The following C1orf87 variants were observed in gnomAD, a reference collection of about 807,000 sequenced individuals.
The protein encoded by C1orf87 is chromosome 1 open reading frame 87, also known as uncharacterized protein C1orf87.
Under a neutral mutation model 60.5 loss-of-function variants are expected in C1orf87, and 58 were observed. The observed-to-expected ratio is 0.96, with a 90% CI of 0.78 to 1.19. The LOEUF (loss-of-function observed/expected upper bound fraction) is 1.19, where lower values mean the gene tolerates loss of function less well. C1orf87 is among the 50% of genes most tolerant of loss of function. The probability of loss-of-function intolerance (pLI) is 0.00; values close to 1 mark genes in which losing one functional copy is unlikely to be tolerated. For missense variants in C1orf87, 673 were observed against 638.6 expected (o/e 1.05, Z -0.58); for synonymous variants, 236 against 227.4 (o/e 1.04, Z -0.34).
At chr1:60,005,861 C>T (rs769664020) in intron 9 of C1orf87, among the ~76,000 whole-genome samples, 1 of 148,040 alleles carries the variant, frequency 6.8e-6, no homozygotes, top group Non-Finnish European at 1.5e-5. Flanking sequence ...CTTCTGAAGA[C>T]AGCAACTATG....
chr1:60,028,052 T>C (rs1645212385), intron 7 of C1orf87, among the ~76,000 whole-genome samples: 1 of 152,130 alleles, frequency 6.6e-6, no homozygotes, highest in Non-Finnish European at 1.5e-5. Context: ...TAAATGTATA[T>C]ATGGGTGAAA....
Position 59,990,572 on chromosome 1 carries a change from C to T in C1orf87, c.*101G>A. The T allele has an allele frequency of 7.1e-7, 1 of 1,413,092 alleles. No individual in the cohort carries two copies. The highest frequency in any genetic ancestry group is 9.7e-7 in the Non-Finnish European group (1 of 1,035,340). 87.5% of individuals were successfully genotyped at this position (1,413,092 alleles called of 1,614,324 possible). A position where few individuals can be genotyped will look rare whatever the true frequency, so the allele number is the denominator to read the frequency against. The stretch of plus-strand genomic sequence containing the variant: ...TACAATAGCTGCATCGGCCTCCACT[C>T]TGACAATGCCTCCGCCACTACACTT... On this transcript the variant is annotated 3_prime_UTR_variant, in exon 12 of 12. Transcript: ENST00000371201.
At chr1:60,001,801 G>A (rs988391968) in intron 9 of C1orf87, among the ~76,000 whole-genome samples, 7 of 152,038 alleles carry the variant, frequency 4.6e-5, no homozygotes, top group East Asian at 1.9e-4. Context: ...TTCAATGGTC[G>A]GTGGTACTGG....
chr1:60,049,772 A>T (rs1645400356), intron 3 of C1orf87, among the ~76,000 whole-genome samples: 1 of 152,132 alleles, frequency 6.6e-6, no homozygotes, highest in African/African-American at 2.4e-5. Flanking sequence ...ATCCTAATGT[A>T]CATCTTACGT....
At chr1:60,060,108 C>A (rs1274418957) in intron 2 of C1orf87, among the ~76,000 whole-genome samples, 1 of 140,740 alleles carries the variant, frequency 7.1e-6, no homozygotes, top group Non-Finnish European at 1.5e-5. Flanking sequence ...TTTTTTATGT[C>A]ATGGAACCAT....
chr1:60,023,119 T>A (rs1008576546), intron 8 of C1orf87, among the ~76,000 whole-genome samples: 11 of 152,156 alleles, frequency 7.2e-5, no homozygotes, highest in Admixed American at 6.5e-4. Context: ...CTTTTAAGGT[T>A]TTTTCTTTAC....
chr1:60,056,175 T>C (rs640189), intron 2 of C1orf87, among the ~76,000 whole-genome samples: 83,927 of 151,678 alleles, frequency 0.55, 23,652 homozygotes, highest in East Asian at 0.64. Flanking sequence ...ACCCAGGAGG[T>C]GGAGGTTGCA....
intron 8 of C1orf87, among the ~76,000 whole-genome samples, chr1:60,018,070 A>G (rs1331649389): frequency 6.6e-6 from 1 of 152,186 alleles, no homozygotes; most frequent in Non-Finnish European, 1.5e-5. Context: ...AATCCTGCTA[A>G]TTAGCAAGCA....
rs572081022 is a variant in C1orf87, at chr1:60,056,430, A to G, written c.108-992T>C. Among the ~76,000 whole-genome samples the G allele has an allele frequency of 3.9e-5, 6 of 152,328 alleles. No homozygotes were observed. In the South Asian group the frequency reaches 1.2e-3, roughly 32 times the overall value. On this transcript the variant is annotated intron_variant, in intron 2 of 11. Coordinates refer to ENST00000371201, the MANE Select transcript of C1orf87 (RefSeq NM_152377.3). ...ATTAAGGAGAAAAATGCAAAAAAAA[A>G]GAAAACTCTAAATATTTAGTAATAG...
At chr1:60,027,700 T>A (rs1333419805) in intron 7 of C1orf87, among the ~76,000 whole-genome samples, 1 of 150,734 alleles carries the variant, frequency 6.6e-6, no homozygotes, top group East Asian at 1.9e-4. Flanking sequence ...AGGAGAAATG[T>A]CAGGGAAGCT....
At chr1:60,016,260 C>A (rs1177468834) in intron 8 of C1orf87, among the ~76,000 whole-genome samples, 3 of 152,140 alleles carry the variant, frequency 2.0e-5, no homozygotes, top group Non-Finnish European at 2.9e-5. Context: ...AAAGGAAAAC[C>A]AACTCATGGG....
chr1:60,010,003 C>T (rs959051998), intron 9 of C1orf87, among the ~76,000 whole-genome samples: 1 of 148,004 alleles, frequency 6.8e-6, no homozygotes, highest in Non-Finnish European at 1.5e-5. Flanking sequence ...CATATATATA[C>T]ATCTCACAGG....
chr1:60,008,915 T>G (rs753771716), intron 9 of C1orf87: 10 of 278,566 alleles, frequency 3.6e-5, no homozygotes, highest in Non-Finnish European at 6.5e-5. Flanking sequence ...ACCATCTGTG[T>G]GGTGACACTA....
chr1:60,058,612 C>T (rs1026707972), intron 2 of C1orf87, among the ~76,000 whole-genome samples: 4 of 152,038 alleles, frequency 2.6e-5, no homozygotes, highest in African/African-American at 7.2e-5. Flanking sequence ...TTAAATCAAC[C>T]GTATAGTCAG....
intron 8 of C1orf87, among the ~76,000 whole-genome samples, chr1:60,018,368 G>T (rs916319326): frequency 6.6e-6 from 1 of 152,166 alleles, no homozygotes; most frequent in African/African-American, 2.4e-5. Context: ...AAAGACAGGT[G>T]AATAAAGAAA....
At chr1:60,021,551 C>G (rs559559829) in intron 8 of C1orf87, among the ~76,000 whole-genome samples, 1 of 152,146 alleles carries the variant, frequency 6.6e-6, no homozygotes, top group Non-Finnish European at 1.5e-5. Context: ...GATTACCTCT[C>G]TAATTCAGTT....
chr1:60,042,688 C>A (rs1358638489), intron 3 of C1orf87, among the ~76,000 whole-genome samples: 6 of 152,204 alleles, frequency 3.9e-5, no homozygotes, highest in African/African-American at 1.4e-4. Context: ...GTAGTACTAG[C>A]AACCTTTTAC....
chr1:59,997,827 A>G lies in C1orf87; in HGVS notation c.1273-11T>C. On this transcript the variant is annotated splice_polypyrimidine_tract_variant and intron_variant, in intron 10 of 11. Coordinates refer to ENST00000371201, the MANE Select transcript of C1orf87 (RefSeq NM_152377.3). ...CTCTTCTGGAGTTTTCTACCAAAAC[A>G]ACAAAAGCATTGGCAACACATTCAC... 1 of 1,611,878 alleles carries G rather than the reference A, an allele frequency of 6.2e-7. No homozygotes were observed. The highest frequency in any genetic ancestry group is 1.7e-5 in the Admixed American group (1 of 59,796).
intron 3 of C1orf87, among the ~76,000 whole-genome samples, chr1:60,047,800 G>T (rs1453663439): frequency 1.3e-5 from 2 of 149,662 alleles, no homozygotes; most frequent in Non-Finnish European, 3.0e-5. Context: ...TATACACACA[G>T]AGAATAACAG....
Sources: gnomAD v4.1 joint callset for allele counts (sites outside exome capture counted in the v4.1 genomes callset) on GRCh38, gnomAD v4.1.1 for gene constraint, MANE v1.5 for transcripts, NCBI Gene and HGNC (gene_info 2026-07-23, HGNC 2026-07-21) for gene names.